Variants in SCYL1 observed in about 807,000 individuals in gnomAD.
The protein encoded by SCYL1 is N-terminal kinase-like protein.
A neutral mutation model predicts 94.8 loss-of-function variants in SCYL1; 85 were observed. That is an observed-to-expected ratio of 0.90 (90% CI 0.75 to 1.07). The LOEUF is 1.07. Ranked by LOEUF, SCYL1 falls within the 50% of genes least tolerant of loss-of-function variation. The pLI, the probability that SCYL1 is intolerant of heterozygous loss-of-function variation, is 0.00. For synonymous variants in SCYL1, 459 were observed against 435.5 expected (o/e 1.05, Z -0.67); for missense variants, 968 against 1,083.3 (o/e 0.89, Z 1.49).
At chr11:65,534,226 G>A (rs991109131) in intron 9 of SCYL1, among the ~76,000 whole-genome samples, 5 of 150,988 alleles carry the variant, frequency 3.3e-5, no homozygotes, top group Non-Finnish European at 7.4e-5. Context: ...GCAAGACTCC[G>A]TCTCAAAAAA....
At chr11:65,529,071 G>A (rs561604385) in intron 6 of SCYL1, among the ~76,000 whole-genome samples, 2 of 152,278 alleles carry the variant, frequency 1.3e-5, no homozygotes, top group South Asian at 2.1e-4. Flanking sequence ...TGCAATGCCC[G>A]GCCCCAGCCG....
At chr11:65,535,406 G>A (rs1442721854) in intron 10 of SCYL1, 24 bp downstream of exon 10, 2 of 1,609,154 alleles carry the variant, frequency 1.2e-6, no homozygotes, top group South Asian at 1.1e-5. Flanking sequence ...ACAACTGCTG[G>A]AGCCCGGTCC....
chr11:65,531,453 C>G (rs1451221514), intron 7 of SCYL1, 123 bp from the exon 8 acceptor site: 6 of 714,360 alleles, frequency 8.4e-6, no homozygotes, highest in Admixed American at 4.2e-5. Context: ...TGAGGAAATG[C>G]CTGCCCCCCC....
At position 65,536,285 on chromosome 11, in the gene SCYL1, G is replaced by C. The variant is rs1483949944; in HGVS notation, c.1602G>C (p.Leu534=). ...CCTTCAAGGCCATTCGGAGCTTCCT[G>C]TCCAAATTGGAGTCTGTGTCGGAGG... The part of the protein sequence containing the change: ...DQAFKAIRSF[L]SKLESVSEDP... The change falls in exon 12 of 18, where the codon CTG becomes CTC. Residue 534 remains leucine (L), a synonymous_variant. Transcript: ENST00000270176. 1 of 1,614,180 alleles carries C rather than the reference G, an allele frequency of 6.2e-7. No individual in the cohort carries two copies. The highest frequency in any genetic ancestry group is 1.7e-5 in the Admixed American group (1 of 60,024).
rs746468771 is a variant in SCYL1 at position 65,526,309 on chromosome 11, G to A, written c.561G>A (p.Pro187=). Residue 187 remains proline (P), a synonymous_variant, in exon 4 of 18, where the codon CCG becomes CCA. Coordinates refer to ENST00000270176, the MANE Select transcript of SCYL1 (RefSeq NM_020680.4). This position sits in a 1 kb window ranked among gnomAD's most constrained non-coding sequence, Gnocchi z 4.1. ...CCGAGCTTGAGCAGTATGACCCCCC[G>A]GAGTTGGCTGACAGCAGTGGCAGAG... ...GIPELEQYDP[P]ELADSSGRVV... is the part of the protein sequence containing the mutation. 8.7e-6 allele frequency: 14 copies of A among 1,608,614 alleles called. No individual in the cohort carries two copies. Among genetic ancestry groups the A allele is most frequent in the South Asian group, 4.4e-5 (4 of 90,918 alleles).
chr11:65,527,024 C>A lies in SCYL1; in HGVS notation c.756C>A (p.Pro252=). Residue 252 remains proline (P), a synonymous_variant, in exon 6 of 18, where the codon CCC becomes CCA. Coordinates refer to ENST00000270176, the MANE Select transcript of SCYL1 (RefSeq NM_020680.4). ...TGGGAGCAAACCCCAAGGTGCGTCC[C>A]AACCCAGCCCGCTTCCTGCAGAACT... is the stretch of plus-strand genomic sequence containing the variant. The part of the protein sequence containing the change: ...ELVGANPKVR[P]NPARFLQNCR... 6.2e-7 allele frequency: 1 copy of A among 1,613,564 alleles called. No individual in the cohort carries two copies. Among genetic ancestry groups the A allele is most frequent in the Non-Finnish European group, 8.5e-7 (1 of 1,179,972 alleles).
At position 65,525,212 on chromosome 11, in the gene SCYL1, C is replaced by A; in HGVS notation, c.59C>A (p.Pro20His). The A allele has an allele frequency of 6.9e-7, 1 of 1,457,916 alleles. No homozygotes were observed. The highest frequency in any genetic ancestry group is 9.1e-7 in the Non-Finnish European group (1 of 1,101,062). 90.3% of individuals were successfully genotyped at this position (1,457,916 alleles called of 1,614,324 possible). A position where few individuals can be genotyped will look rare whatever the true frequency, so the allele number is the denominator to read the frequency against. The change falls in exon 1 of 18, where the codon CCC becomes CAC. Residue 20 changes from proline to histidine, a missense_variant. Physicochemically the swap from Pro to His is moderately conservative, Grantham distance 77. This residue lies in a region of SCYL1 where 494 missense variants were observed against 619.7 expected (regional missense o/e 0.80). Transcript: ENST00000270176. ...TTTCCGTTCGAGCTCATCCCGGAGC[C>A]CCCAGAGGGCGGCCTGCCCGGGCCC... Reference protein sequence around the residue: ...RDFPFELIPEPPEGGLPGPWA... With the variant: ...RDFPFELIPEHPEGGLPGPWA...
intron 6 of SCYL1, among the ~76,000 whole-genome samples, chr11:65,529,933 T>G (rs1855284233): frequency 6.6e-6 from 1 of 152,126 alleles, no homozygotes; most frequent in Non-Finnish European, 1.5e-5. Flanking sequence ...ACCTACCTGG[T>G]AAAGTTGTGA....
At chr11:65,529,977 C>T (rs1376198614) in intron 6 of SCYL1, among the ~76,000 whole-genome samples, 2 of 152,096 alleles carry the variant, frequency 1.3e-5, no homozygotes, top group East Asian at 1.9e-4. Context: ...AAGGTTTTAG[C>T]ACATAATCTG....
intron 9 of SCYL1, chr11:65,533,321 C>T: frequency 6.4e-6 from 1 of 157,064 alleles, no homozygotes; most frequent in Non-Finnish European, 1.4e-5. Flanking sequence ...ACTCGGGAGG[C>T]TGAGGCAGGA....
At chr11:65,525,852 C>A in intron 2 of SCYL1, 69 bp from the exon 3 acceptor site, 4 of 1,586,268 alleles carry the variant, frequency 2.5e-6, no homozygotes, top group Admixed American at 1.7e-5. Context: ...TCTCTCCCAA[C>A]TTCAAGTCGC....
At position 65,526,444 on chromosome 11, in the gene SCYL1, C is replaced by G; in HGVS notation, c.602+94C>G. The G allele has an allele frequency of 9.8e-7, 1 of 1,022,436 alleles. No homozygotes were observed. Among genetic ancestry groups the G allele is most frequent in the Admixed American group, 2.8e-5 (1 of 35,798 alleles). The allele number at this position is 1,022,436 out of a possible 1,614,324, so 63.3% of individuals were successfully genotyped here. ...AGACTAGTTGGCACTCCCCTGTTCC[C>G]TGCTGCCTGGCTGGGGAGGGAATCA... is the stretch of plus-strand genomic sequence containing the variant. On this transcript the variant is annotated intron_variant, in intron 4 of 17. Coordinates refer to ENST00000270176, the MANE Select transcript of SCYL1 (RefSeq NM_020680.4). This position sits in a 1 kb window ranked among gnomAD's most constrained non-coding sequence, Gnocchi z 4.1.
At position 65,528,889 on chromosome 11, in the gene SCYL1, G is replaced by C. The variant is rs72939107; in HGVS notation, c.850-1740G>C. ...ACATGACTGTGGGAGCCAGAGGGAT[G>C]GTACCTGGAGTAAGAGTTCCAGGCA... On this transcript the variant is annotated intron_variant, in intron 6 of 17. Transcript: ENST00000270176. 1.4e-3 allele frequency among the ~76,000 whole-genome samples: 216 copies of C among 152,358 alleles called. 1 individual carries two copies. The highest frequency in any genetic ancestry group is 2.6e-3 in the Non-Finnish European group (179 of 68,032).
intron 2 of SCYL1, 71 bp downstream of exon 2, chr11:65,525,785 T>C (rs1855044392): frequency 1.3e-6 from 2 of 1,594,782 alleles, no homozygotes; most frequent in Non-Finnish European, 1.7e-6. Flanking sequence ...TCTCCCCTCC[T>C]GCCCTGTTTC....
Position 65,537,966 on chromosome 11 carries a change from G to C in SCYL1, c.2032-1G>C. 6.2e-7 allele frequency: 1 copy of C among 1,609,442 alleles called. No individual in the cohort carries two copies. Among genetic ancestry groups the C allele is most frequent in the Non-Finnish European group, 8.5e-7 (1 of 1,177,612 alleles). On this transcript the variant is annotated splice_acceptor_variant, in intron 15 of 17. Coordinates refer to ENST00000270176, the MANE Select transcript of SCYL1 (RefSeq NM_020680.4). LOFTEE classifies it high-confidence loss of function. Reference sequence around the variant, plus strand: ...TACTTCCCCCTCCCGCTCTTCTACAGGTCAGCAACTCCGACCACAAATCCT... The same window carrying C: ...TACTTCCCCCTCCCGCTCTTCTACACGTCAGCAACTCCGACCACAAATCCT...
In SCYL1 at chr11:65,532,795, A is replaced by C; in HGVS notation, c.1220A>C (p.Gln407Pro). ...FLDTNPAIREQTVKSMLLLAP... is the reference protein window; with the variant it reads ...FLDTNPAIREPTVKSMLLLAP... ...GACACCAACCCTGCCATCCGGGAGC[A>C]GACGGTCAAGGTGGGTGTGGCCAGG... The change falls in exon 9 of 18, where the codon CAG (glutamine) becomes CCG (proline). Residue 407 changes from glutamine to proline, a missense_variant. Physicochemically the swap from Gln to Pro is moderately conservative, Grantham distance 76 (BLOSUM62 -1). This residue lies in a region of SCYL1 where 494 missense variants were observed against 619.7 expected (regional missense o/e 0.80). Coordinates refer to ENST00000270176, the MANE Select transcript of SCYL1 (RefSeq NM_020680.4). 1 of 1,613,748 alleles carries C rather than the reference A, an allele frequency of 6.2e-7. No individual in the cohort carries two copies. Among genetic ancestry groups the C allele is most frequent in the Admixed American group, 1.7e-5 (1 of 60,004 alleles).
chr11:65,537,981 C>T lies in SCYL1; in HGVS notation c.2046C>T (p.Asp682=). The T allele has an allele frequency of 6.2e-7, 1 of 1,611,658 alleles. No individual in the cohort carries two copies. The highest frequency in any genetic ancestry group is 8.5e-7 in the Non-Finnish European group (1 of 1,178,660). The change falls in exon 16 of 18, where the codon GAC becomes GAT. Residue 682 remains aspartate, a synonymous_variant. Transcript: ENST00000270176. ...VSRASQVSNS[D]HKSSKSPESD... ...CTCTTCTACAGGTCAGCAACTCCGA[C>T]CACAAATCCTCCAAATCCCCAGAGT... is the stretch of plus-strand genomic sequence containing the variant.
At chr11:65,530,916 C>A in intron 7 of SCYL1, 129 bp downstream of exon 7, 1 of 1,013,188 alleles carries the variant, frequency 9.9e-7, no homozygotes, top group Non-Finnish European at 1.4e-6. Context: ...CTGCCAGTGT[C>A]TATAAACAGG....
intron 9 of SCYL1, among the ~76,000 whole-genome samples, chr11:65,534,739 G>C (rs1212565385): frequency 6.6e-6 from 1 of 152,188 alleles, no homozygotes; most frequent in Non-Finnish European, 1.5e-5. Context: ...GAACGTTAGA[G>C]TCTCAGCAAA....
Sources: allele counts gnomAD v4.1 joint callset (sites outside exome capture counted in the v4.1 genomes callset), GRCh38; gene constraint gnomAD v4.1.1; regional missense constraint gnomAD v4.1.1; non-coding constraint Gnocchi (gnomAD v3.1); transcripts MANE v1.5; gene names NCBI Gene and HGNC (gene_info 2026-07-23, HGNC 2026-07-21).